The following WNK2 variants were observed in gnomAD, a reference collection of about 807,000 sequenced individuals.
WNK2 encodes WNK lysine deficient protein kinase 2.
Under a neutral mutation model 192.1 loss-of-function variants are expected in WNK2, and 67 were observed. That is an observed-to-expected ratio of 0.35 (90% CI 0.29 to 0.43). The LOEUF is 0.43. Ranked by LOEUF, WNK2 falls within the 20% of genes least tolerant of loss-of-function variation. The probability of loss-of-function intolerance (pLI) is 1.00; values close to 1 mark genes in which losing one functional copy is unlikely to be tolerated. For missense variants in WNK2, 2,698 were observed against 3,089.7 expected, an observed-to-expected ratio of 0.87 and a Z score of 3.01; for synonymous variants, 1,439 against 1,393.9, an observed-to-expected ratio of 1.03 and a Z score of -0.72.
intron 8 of WNK2, among the ~76,000 whole-genome samples, chr9:93,250,502 G>A (rs1315067191): frequency 6.6e-6 from 1 of 152,250 alleles, no homozygotes; most frequent in African/African-American, 2.4e-5. Flanking sequence ...TCTGGGATAT[G>A]CTGGGTAAGA....
intron 28 of WNK2, among the ~76,000 whole-genome samples, chr9:93,311,981 C>A (rs1853743844): frequency 6.6e-6 from 1 of 152,128 alleles, no homozygotes; most frequent in Non-Finnish European, 1.5e-5. Context: ...AAGTGGTATC[C>A]TGTGGTTTTG....
Position 93,253,750 on chromosome 9 carries a change from A to C in WNK2, c.2034+668A>C, listed in dbSNP as rs948826951. Among the ~76,000 whole-genome samples the C allele has an allele frequency of 1.5e-4, 23 of 152,166 alleles. 1 individual carries two copies. The highest frequency in any genetic ancestry group is 1.2e-3 in the Admixed American group (18 of 15,282). On this transcript the variant is annotated intron_variant, in intron 9 of 29. Coordinates refer to ENST00000427277, the MANE Select transcript of WNK2 (RefSeq NM_006648.4). ...ACGTGTGGGTTGATTCCCACGGGAA[A>C]GACTAAGATGAGTGGGGTCACATTT...
chr9:93,301,398 G>T (rs1331603287), intron 26 of WNK2, among the ~76,000 whole-genome samples: 2 of 152,168 alleles, frequency 1.3e-5, no homozygotes, highest in Admixed American at 1.3e-4. Flanking sequence ...ATCATTCTCC[G>T]GGCAGGCAAT....
At chr9:93,248,621 C>G (rs900556391) in intron 8 of WNK2, among the ~76,000 whole-genome samples, 1 of 152,234 alleles carries the variant, frequency 6.6e-6, no homozygotes, top group African/African-American at 2.4e-5. Context: ...TAGTATCTCC[C>G]TTCTAAGGCA....
intron 16 of WNK2, among the ~76,000 whole-genome samples, chr9:93,266,548 CG>C (rs1314589460): frequency 6.6e-6 from 1 of 152,182 alleles, no homozygotes; most frequent in Non-Finnish European, 1.5e-5. Context: ...CTTAAATTCT[CG>C]TATGTGGCAC....
chr9:93,250,573 A>C (rs1358089605), intron 8 of WNK2, among the ~76,000 whole-genome samples: 3 of 152,212 alleles, frequency 2.0e-5, no homozygotes, highest in African/African-American at 7.2e-5. Flanking sequence ...AAACAGACAC[A>C]CATTATTGTA....
At chr9:93,226,511 CA>C (rs1300148341) in intron 2 of WNK2, among the ~76,000 whole-genome samples, 1 of 151,916 alleles carries the variant, frequency 6.6e-6, no homozygotes, top group East Asian at 1.9e-4. Context: ...ATGAAACACA[CA>C]ACTTAAGTGT....
intron 4 of WNK2, 143 bp from the exon 5 acceptor site, chr9:93,234,665 C>A: frequency 1.0e-6 from 1 of 980,632 alleles, no homozygotes; most frequent in Non-Finnish European, 1.5e-6. Context: ...CAGGGCTGGC[C>A]CTGGGGTCCA....
At chr9:93,234,694 TG>T in intron 4 of WNK2, 113 bp from the exon 5 acceptor site, 1 of 1,248,470 alleles carries the variant, frequency 8.0e-7, no homozygotes, top group Non-Finnish European at 1.1e-6. Context: ...GAGTGTGCCA[TG>T]GGATGTGGAG....
intron 4 of WNK2, among the ~76,000 whole-genome samples, chr9:93,233,197 CA>C (rs11298656): frequency 0.12 from 11,604 of 98,962 alleles, 599 homozygotes; most frequent in African/African-American, 0.23. Context: ...GATCCAGTCT[CA>C]AAAAAAAAAA....
In WNK2 at chr9:93,184,341, G is replaced by A. The variant is rs962818261; in HGVS notation, c.-47G>A. On this transcript the variant is annotated 5_prime_UTR_variant, in exon 1 of 30. Transcript: ENST00000427277. ...AAGCGTGATCTCTCCCGCCTCGCAC[G>A]CCCTGGCCGCCGGGCCGCGGGCATG... is the stretch of plus-strand genomic sequence containing the variant. Among the ~76,000 whole-genome samples, 1 of 151,256 alleles carries A rather than the reference G, an allele frequency of 6.6e-6. No individual in the cohort carries two copies. The highest frequency in any genetic ancestry group is 1.5e-5 in the Non-Finnish European group (1 of 67,726).
intron 14 of WNK2, chr9:93,263,177 G>T: frequency 2.5e-6 from 1 of 392,302 alleles, no homozygotes; most frequent in East Asian, 5.8e-5. Flanking sequence ...CTCCTGGGGT[G>T]CTGGGCACTG....
intron 29 of WNK2, chr9:93,317,989 A>C (rs956719009): frequency 6.2e-7 from 1 of 1,612,564 alleles, no homozygotes; most frequent in Non-Finnish European, 8.5e-7. Flanking sequence ...GGGCAGCAAG[A>C]CTGCTTCCTT....
At chr9:93,276,277 A>G (rs1846862256) in intron 19 of WNK2, among the ~76,000 whole-genome samples, 2 of 152,366 alleles carry the variant, frequency 1.3e-5, no homozygotes, top group South Asian at 4.1e-4. Context: ...GAATGAGCCC[A>G]GAAATAGACC....
chr9:93,228,062 A>G (rs1365874333), intron 2 of WNK2, among the ~76,000 whole-genome samples: 1 of 151,970 alleles, frequency 6.6e-6, no homozygotes, highest in African/African-American at 2.4e-5. Flanking sequence ...TTTTTTTGGG[A>G]GTTGCCGTTG....
intron 28 of WNK2, among the ~76,000 whole-genome samples, chr9:93,315,248 T>C (rs914437391): frequency 6.6e-6 from 1 of 152,184 alleles, no homozygotes. Context: ...TTGGCACCCA[T>C]TGAGTGGAAA....
intron 7 of WNK2, among the ~76,000 whole-genome samples, chr9:93,241,499 C>T (rs565528866): frequency 6.6e-6 from 1 of 152,202 alleles, no homozygotes; most frequent in Non-Finnish European, 1.5e-5. Context: ...CCATCAGTCA[C>T]CAGTTCCAGG....
chr9:93,260,145 C>T (rs555324710), intron 12 of WNK2, among the ~76,000 whole-genome samples: 7 of 152,086 alleles, frequency 4.6e-5, no homozygotes, highest in Non-Finnish European at 8.8e-5. Context: ...TCAGGTCAGG[C>T]GGATACCTCG....
Position 93,256,440 on chromosome 9 carries a change from C to T in WNK2, c.2176C>T (p.Pro726Ser), listed in dbSNP as rs200579206. The change falls in exon 10 of 30, where the codon CCC (proline) becomes TCC (serine). Residue 726 changes from proline to serine, a missense_variant. Pro to Ser is a moderately conservative substitution (Grantham distance 74, BLOSUM62 -1). Around this residue, in one of 7 missense-constraint regions of WNK2, gnomAD observed 893 missense variants for 909.0 expected, o/e 0.98. Coordinates refer to ENST00000427277, the MANE Select transcript of WNK2 (RefSeq NM_006648.4). ...GCCCACGGGCCCAGGCCAGCCAGCA[C>T]CCCCCGGCCAGCAGGTGAGTGTGGC... ...PMPTGPGQPAPPGQQPPPLAQ... is the reference protein window; with the variant it reads ...PMPTGPGQPASPGQQPPPLAQ... 2.0e-6 allele frequency: 3 copies of T among 1,526,306 alleles called. No individual in the cohort carries two copies. The highest frequency in any genetic ancestry group is 2.0e-5 in the Admixed American group (1 of 50,276). The allele number at this position is 1,526,306 out of a possible 1,614,324, so 94.5% of individuals were successfully genotyped here. A position where few individuals can be genotyped will look rare whatever the true frequency, so the allele number is the denominator to read the frequency against.
Sources: gnomAD v4.1 joint callset for allele counts (sites outside exome capture counted in the v4.1 genomes callset) on GRCh38, gnomAD v4.1.1 for gene constraint, gnomAD v4.1.1 regional missense constraint, MANE v1.5 for transcripts, NCBI Gene and HGNC (gene_info 2026-07-23, HGNC 2026-07-21) for gene names.